Variants in DPP6 observed in about 807,000 individuals in gnomAD.
DPP6 encodes A-type potassium channel modulatory protein DPP6.
DPP6 carries 69 observed loss-of-function variants against 122.6 expected under a neutral mutation model. The ratio of observed to expected loss-of-function variants is 0.56; its 90% CI spans 0.46 to 0.69. DPP6 has a LOEUF of 0.69. DPP6 is among the 30% of genes least tolerant of loss of function. The probability of loss-of-function intolerance (pLI) is 0.00; values close to 1 mark genes in which losing one functional copy is unlikely to be tolerated. For missense variants in DPP6, 928 were observed against 1,116.9 expected (o/e 0.83, Z 2.41); for synonymous variants, 418 against 433.1 (o/e 0.97, Z 0.43).
chr7:154,014,461 C>T (rs1327935050), intron 1 of DPP6, among the ~76,000 whole-genome samples: 5 of 150,694 alleles, frequency 3.3e-5, no homozygotes, highest in Non-Finnish European at 7.4e-5. Context: ...TCGAGACCAA[C>T]CTGCCCAACA....
intron 1 of DPP6, among the ~76,000 whole-genome samples, chr7:154,379,372 G>A (rs1287183278): frequency 6.6e-6 from 1 of 152,096 alleles, no homozygotes; most frequent in Non-Finnish European, 1.5e-5. Context: ...GTGGGGGGCT[G>A]GGGGAGGGAT....
Position 153,962,460 on chromosome 7 carries a change from G to A in DPP6, c.51+74726G>A, listed in dbSNP as rs746049362. Among the ~76,000 whole-genome samples, 3 of 152,000 alleles carry A rather than the reference G, an allele frequency of 2.0e-5. No individual in the cohort carries two copies. The East Asian group carries it at 5.8e-4, about 29-fold the overall frequency. On this transcript the variant is annotated intron_variant, in intron 1 of 25. Transcript: ENST00000404039. Reference sequence around the variant, plus strand: ...CTCTGCCTGAACTTTCAATATTGACGTTTCTGGTTAACAATCTAAGATCAT... The same window carrying A: ...CTCTGCCTGAACTTTCAATATTGACATTTCTGGTTAACAATCTAAGATCAT...
intron 7 of DPP6, among the ~76,000 whole-genome samples, chr7:154,719,658 C>A (rs552677716): frequency 6.6e-6 from 1 of 152,204 alleles, no homozygotes; most frequent in Non-Finnish European, 1.5e-5. Flanking sequence ...TGGCTTCCAG[C>A]AGGCATTGGA....
chr7:154,058,560 A>C (rs1448563293), intron 1 of DPP6: 1 of 104,454 alleles, frequency 9.6e-6, no homozygotes, highest in African/African-American at 3.8e-5. Context: ...CCCATCGCAG[A>C]GGGGGGACGC....
rs930511937 is a variant in DPP6 at position 154,729,199 on chromosome 7, C to T, written c.883+1312C>T. ...TCCAGCATGGGGCTGATGAACAACC[C>T]AAGCTCTTCTCAGCCTCCTGGCCTG... On this transcript the variant is annotated intron_variant, in intron 8 of 25. Coordinates refer to ENST00000377770, the MANE Select transcript of DPP6 (RefSeq NM_130797.4). Among the ~76,000 whole-genome samples the T allele has an allele frequency of 2.0e-5, 3 of 152,290 alleles. No individual in the cohort carries two copies. The Middle Eastern group carries it at 0.01, about 518-fold the overall frequency.
chr7:154,279,242 G>T (rs1392721768), intron 1 of DPP6, among the ~76,000 whole-genome samples: 1 of 152,176 alleles, frequency 6.6e-6, no homozygotes, highest in Non-Finnish European at 1.5e-5. Flanking sequence ...GCATATATGT[G>T]TGTGTGGCAT....
intron 1 of DPP6, among the ~76,000 whole-genome samples, chr7:153,910,020 G>T (rs1800012655): frequency 1.3e-5 from 2 of 152,034 alleles, no homozygotes. Flanking sequence ...TATGGAGAGG[G>T]TATATAAGCT....
intron 1 of DPP6, among the ~76,000 whole-genome samples, chr7:153,908,029 GTTTTTTTTTTT>G (rs34826354): frequency 4.4e-5 from 5 of 113,916 alleles, no homozygotes; most frequent in African/African-American, 1.3e-4. Flanking sequence ...GAGGCTGGAA[GTTTTTTTTTTT>G]TTTTTTTTTG....
chr7:154,412,183 G>A (rs933784396), intron 1 of DPP6, among the ~76,000 whole-genome samples: 3 of 152,060 alleles, frequency 2.0e-5, no homozygotes, highest in South Asian at 2.1e-4. Context: ...CCTCCCAAAG[G>A]CCCCACCTCC....
chr7:154,829,531 A>C (rs541078548), intron 16 of DPP6, among the ~76,000 whole-genome samples: 9 of 150,610 alleles, frequency 6.0e-5, no homozygotes, highest in Non-Finnish European at 1.2e-4. Context: ...GAGAGGGAGG[A>C]AGGGAAAAAG....
the DPP6 span, among the ~76,000 whole-genome samples, chr7:153,867,726 GC>G: frequency 1.3e-5 from 2 of 152,094 alleles, no homozygotes; most frequent in Non-Finnish European, 2.9e-5. Context: ...CCTGTCTTGT[GC>G]CGGTTTTCAA....
intron 15 of DPP6, among the ~76,000 whole-genome samples, chr7:154,805,359 G>A (rs1165279829): frequency 2.0e-5 from 3 of 152,164 alleles, no homozygotes; most frequent in Non-Finnish European, 2.9e-5. Context: ...GGGTCAGCAC[G>A]AGGAGGCCGG....
rs894829122 is a variant in DPP6 at position 154,756,284 on chromosome 7, C to T, written c.884-13133C>T. ...CCCACACTTGGCTTTCGGATCATCT[C>T]GTGCTGGGCTCATCTTCCCTTGCGG... On this transcript the variant is annotated intron_variant, in intron 8 of 25. Transcript: ENST00000377770. 5.3e-5 allele frequency among the ~76,000 whole-genome samples: 8 copies of T among 152,292 alleles called. No homozygotes were observed. The South Asian group carries it at 1.7e-3, about 32-fold the overall frequency.
intron 6 of DPP6, among the ~76,000 whole-genome samples, chr7:154,643,467 C>CTTTTTTT (rs61520162): frequency 1.7e-5 from 2 of 117,554 alleles, no homozygotes; most frequent in African/African-American, 6.3e-5. Context: ...TGAGTAATTT[C>CTTTTTTT]TTTTTTTTTT....
rs564682115 is a variant in DPP6, at chr7:154,483,851, C to A, written c.457+8814C>A. Reference sequence around the variant, plus strand: ...CTGGGATTACAGGTGCACACCATCACGCCTAGCTAATTTTTGTATTTTTAG... The same window carrying A: ...CTGGGATTACAGGTGCACACCATCAAGCCTAGCTAATTTTTGTATTTTTAG... On this transcript the variant is annotated intron_variant, in intron 3 of 25. Coordinates refer to ENST00000377770, the MANE Select transcript of DPP6 (RefSeq NM_130797.4). The surrounding 1 kb of genome is among the most constrained non-coding windows in gnomAD (Gnocchi z 8.1). Among the ~76,000 whole-genome samples the A allele has an allele frequency of 6.6e-6, 1 of 152,138 alleles. No homozygotes were observed. The highest frequency in any genetic ancestry group is 2.4e-5 in the African/African-American group (1 of 41,448).
chr7:154,185,494 G>A (rs762164076), intron 1 of DPP6, among the ~76,000 whole-genome samples: 6 of 152,178 alleles, frequency 3.9e-5, no homozygotes, highest in Non-Finnish European at 8.8e-5. Flanking sequence ...TGAAGCCGAT[G>A]TTCAGTGATC....
intron 17 of DPP6, among the ~76,000 whole-genome samples, chr7:154,866,005 C>G (rs376309690): frequency 1.3e-5 from 2 of 152,174 alleles, no homozygotes; most frequent in East Asian, 1.9e-4. Context: ...GGAAAATGAC[C>G]AAAACTTTCA....
Position 154,658,789 on chromosome 7 carries a change from C to T in DPP6, c.681-10571C>T, listed in dbSNP as rs151147897. The stretch of plus-strand genomic sequence containing the variant: ...GATTGGAATTGGCATTGAGGACAGA[C>T]GTGTCTCACACTCTGGGTGGTTGTG... On this transcript the variant is annotated intron_variant, in intron 6 of 25. Transcript: ENST00000377770. 1.6e-3 allele frequency among the ~76,000 whole-genome samples: 247 copies of T among 152,266 alleles called. 1 individual carries two copies. The highest frequency in any genetic ancestry group is 0.014 in the Middle Eastern group (4 of 294).
At chr7:154,490,615 T>G (rs1824199513) in intron 3 of DPP6, among the ~76,000 whole-genome samples, 1 of 152,380 alleles carries the variant, frequency 6.6e-6, no homozygotes, top group South Asian at 2.1e-4. Context: ...GAAAGTAGTT[T>G]GTGATCCGCA....
Sources: gnomAD v4.1 joint callset for allele counts (sites outside exome capture counted in the v4.1 genomes callset) on GRCh38, gnomAD v4.1.1 for gene constraint, Gnocchi (gnomAD v3.1) non-coding constraint, MANE v1.5 for transcripts, NCBI Gene and HGNC (gene_info 2026-07-23, HGNC 2026-07-21) for gene names.